The following NUP62CL variants were observed in gnomAD, a reference collection of about 807,000 sequenced individuals.
NUP62CL encodes nucleoporin-62 C-terminal-like protein.
Under a neutral mutation model 15.3 loss-of-function variants are expected in NUP62CL, and 13 were observed. That is an observed-to-expected ratio of 0.85 (90% CI 0.55 to 1.35). The LOEUF (loss-of-function observed/expected upper bound fraction) is 1.35. NUP62CL is among the 40% of genes most tolerant of loss of function. The pLI, the probability that NUP62CL is intolerant of heterozygous loss-of-function variation, is 0.00. For synonymous variants in NUP62CL, 54 were observed against 49.2 expected (o/e 1.10, Z -0.41); for missense variants, 123 against 130.6 (o/e 0.94, Z 0.28).
At position 107,184,291 on chromosome X, in the gene NUP62CL, AAAGAGAAGAAAGAAAGAAAG is replaced by A. The variant is rs1569364413; in HGVS notation, c.-48+8718_-48+8737del. On this transcript the variant is annotated intron_variant, in intron 2 of 8. Transcript: ENST00000372466. ...TGAAAAAACCCGCCTCAGCACAAAA[AAAGAGAAGAAAGAAAGAAAG>A]AAAGAAAGAAAGAAAGAAAGAAAGA... Among the ~76,000 whole-genome samples, 775 of 95,112 alleles carry A rather than the reference AAAGAGAAGAAAGAAAGAAAG, an allele frequency of 8.1e-3. 12 individuals carry two copies. Among genetic ancestry groups the A allele is most frequent in the Middle Eastern group, 0.035 (7 of 198 alleles). 82.6% of individuals were successfully genotyped at this position (95,112 alleles called of 115,157 possible).
intron 4 of NUP62CL, among the ~76,000 whole-genome samples, chrX:107,155,615 A>G (rs1389771662): frequency 3.6e-5 from 4 of 112,382 alleles, no homozygotes; most frequent in African/African-American, 1.3e-4. Flanking sequence ...GGTAAGGTCC[A>G]GTGGGAAGCT....
At chrX:107,132,774 T>C (rs1925550495) in intron 8 of NUP62CL, among the ~76,000 whole-genome samples, 1 of 111,844 alleles carries the variant, frequency 8.9e-6, no homozygotes, top group Admixed American at 9.4e-5. Context: ...ATAAGTAAAA[T>C]GAAATACTTG....
In NUP62CL at chrX:107,152,135, GATATATATATATTCAGATAT is replaced by G. The variant is rs1569357166; in HGVS notation, c.530+1017_530+1036del. On this transcript the variant is annotated intron_variant, in intron 7 of 8. Coordinates refer to ENST00000372466, the MANE Select transcript of NUP62CL (RefSeq NM_017681.3). ...ATATTCAGATATATATATATATTCA[GATATATATATATTCAGATAT>G]ATATATATATATTCAGATATATATA... 1.2e-3 allele frequency among the ~76,000 whole-genome samples: 59 copies of G among 47,253 alleles called. 1 individual carries two copies. Among genetic ancestry groups the G allele is most frequent in the East Asian group, 2.7e-3 (3 of 1,115 alleles). The allele number at this position is 47,253 out of a possible 115,157, so 41.0% of individuals were successfully genotyped here.
chrX:107,183,648 T>C (rs1402399358), intron 2 of NUP62CL, among the ~76,000 whole-genome samples: 1 of 110,528 alleles, frequency 9.0e-6, no homozygotes, highest in Non-Finnish European at 1.9e-5. Flanking sequence ...GTATAAATTT[T>C]TCAAAAAGCC....
intron 2 of NUP62CL, among the ~76,000 whole-genome samples, chrX:107,188,545 C>T (rs1005696046): frequency 2.7e-5 from 3 of 109,958 alleles, no homozygotes; most frequent in African/African-American, 1.0e-4. Context: ...AGTGAAAGAC[C>T]GAATGTTTTC....
intron 4 of NUP62CL, 53 bp from the exon 5 acceptor site, chrX:107,154,299 G>T (rs1290013043): frequency 5.8e-6 from 6 of 1,033,418 alleles, no homozygotes; most frequent in South Asian, 2.6e-5. Context: ...TAAAAAGTGT[G>T]ATCAGATTTT....
intron 2 of NUP62CL, among the ~76,000 whole-genome samples, chrX:107,176,323 G>A (rs183411964): frequency 9.0e-6 from 1 of 111,539 alleles, no homozygotes; most frequent in East Asian, 2.8e-4. Flanking sequence ...GAAAAGGTCC[G>A]TCCTGAAATC....
intron 4 of NUP62CL, among the ~76,000 whole-genome samples, chrX:107,157,491 A>G (rs1926232618): frequency 9.4e-6 from 1 of 106,022 alleles, no homozygotes; most frequent in Non-Finnish European, 2.0e-5. Context: ...CTTAAAGAAA[A>G]GAATTTTCAA....
At chrX:107,199,172 C>T (rs150181404) in intron 1 of NUP62CL, among the ~76,000 whole-genome samples, 3,186 of 111,422 alleles carry the variant, frequency 0.029, 129 homozygotes, top group African/African-American at 0.098. Flanking sequence ...AAATCCCTTA[C>T]CTTCATTACC....
intron 4 of NUP62CL, among the ~76,000 whole-genome samples, chrX:107,160,049 A>C (rs1231206235): frequency 1.1e-5 from 1 of 91,690 alleles, no homozygotes; most frequent in Non-Finnish European, 2.1e-5. Flanking sequence ...AAAGAGAATA[A>C]AATACCTAGG....
At chrX:107,192,616 A>G (rs1481123443) in intron 2 of NUP62CL, among the ~76,000 whole-genome samples, 1 of 111,788 alleles carries the variant, frequency 8.9e-6, no homozygotes, top group East Asian at 2.8e-4. Flanking sequence ...CCTGTGCTCA[A>G]GCAATCCACC....
chrX:107,155,335 T>C (rs2147800096), intron 4 of NUP62CL, among the ~76,000 whole-genome samples: 1 of 112,505 alleles, frequency 8.9e-6, no homozygotes, highest in Non-Finnish European at 1.9e-5. Flanking sequence ...TCCCCTTGTG[T>C]CAGTGGGGCC....
chrX:107,172,321 T>A, intron 3 of NUP62CL, among the ~76,000 whole-genome samples: 1 of 110,644 alleles, frequency 9.0e-6, no homozygotes, highest in Non-Finnish European at 1.9e-5. Flanking sequence ...AAAGTAAGAC[T>A]GTATCTTAAA....
chrX:107,148,199 T>C (rs1925925502), intron 7 of NUP62CL, among the ~76,000 whole-genome samples: 1 of 111,584 alleles, frequency 9.0e-6, no homozygotes, highest in Non-Finnish European at 1.9e-5. Flanking sequence ...TGGGAAAAAA[T>C]AGTTACATTC....
At chrX:107,195,717 T>C (rs1438196636) in intron 1 of NUP62CL, among the ~76,000 whole-genome samples, 1 of 111,672 alleles carries the variant, frequency 9.0e-6, no homozygotes, top group Admixed American at 9.5e-5. Context: ...GAGCTCCAAA[T>C]GGTGATTTCA....
chrX:107,149,450 TTC>T (rs1925959082), intron 7 of NUP62CL, among the ~76,000 whole-genome samples: 1 of 112,213 alleles, frequency 8.9e-6, no homozygotes, highest in Admixed American at 9.5e-5. Context: ...TTTGTCTTTG[TTC>T]AACTTTAGAT....
intron 3 of NUP62CL, among the ~76,000 whole-genome samples, chrX:107,173,101 T>C (rs1285571): frequency 0.054 from 6,048 of 112,191 alleles, 404 homozygotes; most frequent in African/African-American, 0.19. Flanking sequence ...CCGAAGTTGT[T>C]GGAGCACCAA....
At chrX:107,126,533 A>G (rs1480543746) in intron 8 of NUP62CL, among the ~76,000 whole-genome samples, 1 of 112,370 alleles carries the variant, frequency 8.9e-6, no homozygotes, top group Non-Finnish European at 1.9e-5. Context: ...ATAGAGATCA[A>G]TGAAACAGAA....
chrX:107,203,012 A>G (rs73517396), intron 1 of NUP62CL, among the ~76,000 whole-genome samples: 5,560 of 104,726 alleles, frequency 0.053, 416 homozygotes, highest in African/African-American at 0.19. Context: ...AACCTAACTC[A>G]TATGTATAAA....
Sources: allele counts gnomAD v4.1 joint callset (sites outside exome capture counted in the v4.1 genomes callset), GRCh38; gene constraint gnomAD v4.1.1; transcripts MANE v1.5; gene names NCBI Gene and HGNC (gene_info 2026-07-23, HGNC 2026-07-21).